The following CDH13 variants were observed in gnomAD, a reference collection of about 807,000 sequenced individuals.
CDH13 encodes the protein cadherin-13.
Under a neutral mutation model 63.8 loss-of-function variants are expected in CDH13, and 24 were observed. That is an observed-to-expected ratio of 0.38 (90% CI 0.27 to 0.53). CDH13 has a LOEUF of 0.53. Among genes scored for constraint, CDH13 ranks in the 20% least tolerant of loss-of-function variants. The pLI is 0.85. For missense variants in CDH13, 1,049 were observed against 903.1 expected (o/e 1.16, Z -2.07); for synonymous variants, 503 against 355.3 (o/e 1.42, Z -4.67).
chr16:82,686,772 A>G (rs1427102049), intron 1 of CDH13, among the ~76,000 whole-genome samples: 1 of 152,170 alleles, frequency 6.6e-6, no homozygotes, highest in Non-Finnish European at 1.5e-5. Context: ...AGCCTTTATA[A>G]ATGAGAGTTG....
At chr16:83,180,004 C>T (rs542385144) in intron 4 of CDH13, among the ~76,000 whole-genome samples, 12 of 152,140 alleles carry the variant, frequency 7.9e-5, no homozygotes, top group African/African-American at 2.7e-4. Flanking sequence ...CTGTAGGCCA[C>T]TGTTTGTAGC....
chr16:83,701,477 T>C (rs1906221116), intron 10 of CDH13, among the ~76,000 whole-genome samples: 1 of 152,206 alleles, frequency 6.6e-6, no homozygotes, highest in South Asian at 2.1e-4. Context: ...CATGCACAGC[T>C]GTCCTCTTGG....
At chr16:83,210,552 G>T (rs779538600) in intron 4 of CDH13, among the ~76,000 whole-genome samples, 1 of 151,958 alleles carries the variant, frequency 6.6e-6, no homozygotes, top group Non-Finnish European at 1.5e-5. Context: ...AGCCCACCAC[G>T]TACGGCATAC....
At chr16:83,365,466 G>C (rs1421245392) in intron 6 of CDH13, among the ~76,000 whole-genome samples, 1 of 152,164 alleles carries the variant, frequency 6.6e-6, no homozygotes, top group Non-Finnish European at 1.5e-5. Flanking sequence ...GTTACCCCAT[G>C]GTCAGCTGAG....
intron 5 of CDH13, among the ~76,000 whole-genome samples, chr16:83,337,200 T>C (rs1390801571): frequency 1.3e-5 from 2 of 152,202 alleles, no homozygotes; most frequent in Non-Finnish European, 2.9e-5. Context: ...TGTGACTTGA[T>C]GGTTCACATT....
At position 82,807,212 on chromosome 16, in the gene CDH13, A is replaced by G. The variant is rs1457991111; in HGVS notation, c.46-51150A>G. Among the ~76,000 whole-genome samples, 4 of 152,098 alleles carry G rather than the reference A, an allele frequency of 2.6e-5. No homozygotes were observed. In the East Asian group the frequency reaches 5.8e-4, roughly 22 times the overall value. ...AAAATGCAATGCAGCAATTGGCCAG[A>G]TTGTTAAGTAACGTGCTATAATTGT... On this transcript the variant is annotated intron_variant, in intron 1 of 13. Transcript: ENST00000567109.
chr16:83,449,977 C>T (rs1333076977), intron 6 of CDH13, among the ~76,000 whole-genome samples: 4 of 152,164 alleles, frequency 2.6e-5, no homozygotes, highest in African/African-American at 9.7e-5. Context: ...AATCACCGGT[C>T]TTCGCTAGCA....
intron 1 of CDH13, among the ~76,000 whole-genome samples, chr16:82,843,951 T>C (rs1252598193): frequency 6.6e-6 from 1 of 152,232 alleles, no homozygotes; most frequent in Non-Finnish European, 1.5e-5. Flanking sequence ...TGGGTGATCA[T>C]GGAATGACTC....
At chr16:83,636,086 T>C (rs531967918) in intron 8 of CDH13, among the ~76,000 whole-genome samples, 21 of 127,794 alleles carry the variant, frequency 1.6e-4, no homozygotes, top group African/African-American at 5.8e-4. Context: ...GAATTGCTAT[T>C]GTCCCCTTGA....
intron 1 of CDH13, among the ~76,000 whole-genome samples, chr16:82,852,546 G>A (rs976072283): frequency 2.0e-5 from 3 of 152,198 alleles, no homozygotes; most frequent in Non-Finnish European, 2.9e-5. Flanking sequence ...CTGTTGGCCA[G>A]TGCTTAGTCA....
At chr16:82,995,782 G>A (rs751863930) in intron 2 of CDH13, among the ~76,000 whole-genome samples, 59 of 152,082 alleles carry the variant, frequency 3.9e-4, no homozygotes, top group Non-Finnish European at 7.2e-4. Context: ...ACTTCTGATT[G>A]GATATAACTA....
chr16:83,408,284 C>T (rs745638392), intron 6 of CDH13, among the ~76,000 whole-genome samples: 5 of 152,180 alleles, frequency 3.3e-5, no homozygotes, highest in Non-Finnish European at 7.3e-5. Context: ...CACATATTCA[C>T]ACAAACCATA....
intron 10 of CDH13, among the ~76,000 whole-genome samples, chr16:83,729,223 A>G (rs1004444347): frequency 6.6e-6 from 1 of 152,196 alleles, no homozygotes; most frequent in Non-Finnish European, 1.5e-5. Context: ...TATATTATTT[A>G]TGTGCATATA....
intron 4 of CDH13, among the ~76,000 whole-genome samples, chr16:83,178,415 C>G (rs1244592631): frequency 6.6e-6 from 1 of 152,162 alleles, no homozygotes; most frequent in Non-Finnish European, 1.5e-5. Flanking sequence ...CACTGATAGT[C>G]TAAGATTCTT....
At chr16:82,970,116 T>G (rs1253467931) in intron 2 of CDH13, among the ~76,000 whole-genome samples, 1 of 152,074 alleles carries the variant, frequency 6.6e-6, no homozygotes, top group African/African-American at 2.4e-5. Flanking sequence ...GTGTGGTGTT[T>G]CCCTCCCTGT....
intron 7 of CDH13, among the ~76,000 whole-genome samples, chr16:83,549,371 A>G (rs1171319342): frequency 6.6e-6 from 1 of 152,230 alleles, no homozygotes; most frequent in Non-Finnish European, 1.5e-5. Context: ...GAGTTTCAGA[A>G]GAAAGTACCA....
intron 2 of CDH13, among the ~76,000 whole-genome samples, chr16:83,008,253 A>C (rs959697349): frequency 5.9e-5 from 9 of 152,244 alleles, no homozygotes; most frequent in African/African-American, 2.2e-4. Context: ...GAGAAATGTC[A>C]GGGTAAACAT....
In CDH13 at chr16:83,668,235, A is replaced by G. The variant is rs117504381; in HGVS notation, c.1102-2555A>G. On this transcript the variant is annotated intron_variant, in intron 8 of 13. Coordinates refer to ENST00000567109, the MANE Select transcript of CDH13 (RefSeq NM_001257.5). ...CCAGATCCCACTTCCTATACTTAAG[A>G]TCATTCATTCATTCAACAAATATCT... Among the ~76,000 whole-genome samples, 63 of 152,246 alleles carry G rather than the reference A, an allele frequency of 4.1e-4. 1 individual carries two copies. In the East Asian group the frequency reaches 8.7e-3, roughly 21 times the overall value.
chr16:83,107,694 G>C (rs1423850725), intron 3 of CDH13, among the ~76,000 whole-genome samples: 2 of 150,308 alleles, frequency 1.3e-5, no homozygotes, highest in Non-Finnish European at 3.0e-5. Context: ...TCTGTGTATT[G>C]ATTCTGGAGC....
Sources: allele counts gnomAD v4.1 joint callset (sites outside exome capture counted in the v4.1 genomes callset), GRCh38; gene constraint gnomAD v4.1.1; transcripts MANE v1.5; gene names NCBI Gene and HGNC (gene_info 2026-07-23, HGNC 2026-07-21).